Variants in FURIN observed in about 807,000 individuals in gnomAD.
FURIN encodes furin, paired basic amino acid cleaving enzyme, also known as FES upstream region.
A neutral mutation model predicts 89.2 loss-of-function variants in FURIN; 18 were observed. The ratio of observed to expected loss-of-function variants is 0.20; its 90% confidence interval spans 0.14 to 0.30. The LOEUF (loss-of-function observed/expected upper bound fraction) is 0.30. Among genes scored for constraint, FURIN ranks in the 10% least tolerant of loss-of-function variants. FURIN has a pLI of 1.00. For synonymous variants in FURIN, 508 were observed against 466.4 expected (o/e 1.09, Z -1.15); for missense variants, 879 against 1,100.5 (o/e 0.80, Z 2.85).
At position 90,880,107 on chromosome 15, in the gene FURIN, C is replaced by G. The variant is rs150925934; in HGVS notation, c.1390C>G (p.Arg464Gly). 1.9e-6 allele frequency: 3 copies of G among 1,605,228 alleles called. No individual in the cohort carries two copies. The highest frequency in any genetic ancestry group is 2.6e-6 in the Non-Finnish European group (3 of 1,174,468). ...ILTEPKDIGKRLEVRKTVTAC... is the reference protein window; with the variant it reads ...ILTEPKDIGKGLEVRKTVTAC... ...TCTCCTGCACAGAGACATCGGGAAA[C>G]GGCTCGAGGTGCGGAAGACCGTGAC... The change falls in exon 13 of 16, where the codon CGG becomes GGG. Residue 464 changes from arginine (R) to glycine (G), a missense_variant. Transcript: ENST00000268171.
chr15:90,872,427 A>G (rs1464620018), intron 1 of FURIN, among the ~76,000 whole-genome samples: 6 of 151,974 alleles, frequency 3.9e-5, no homozygotes, highest in Admixed American at 3.9e-4. Flanking sequence ...TGGGATTCCT[A>G]TTCTGACTTG....
At chr15:90,874,734 G>A (rs1301702582) in intron 1 of FURIN, among the ~76,000 whole-genome samples, 1 of 152,158 alleles carries the variant, frequency 6.6e-6, no homozygotes, top group Admixed American at 6.5e-5. Context: ...ACATACCTAG[G>A]TGATTTGGAG....
chr15:90,871,287 G>A (rs540714756), intron 1 of FURIN, among the ~76,000 whole-genome samples: 2 of 152,286 alleles, frequency 1.3e-5, no homozygotes, highest in African/African-American at 4.8e-5. Flanking sequence ...GGTCTCCGCG[G>A]CCGTCTTCCC....
At position 90,876,419 on chromosome 15, in the gene FURIN, C is replaced by T; in HGVS notation, c.277-43C>T. The T allele has an allele frequency of 6.5e-7, 1 of 1,540,704 alleles. No homozygotes were observed. The highest frequency in any genetic ancestry group is 9.0e-7 in the Non-Finnish European group (1 of 1,113,188). ...CTCCTGCTCTCAGGAGCCCCTCTCGCCTCCTGCTCCACCCACACCATCTCT... is the reference window on the plus strand; with the variant it reads ...CTCCTGCTCTCAGGAGCCCCTCTCGTCTCCTGCTCCACCCACACCATCTCT... On this transcript the variant is annotated intron_variant, in intron 3 of 15. Coordinates refer to ENST00000268171, the MANE Select transcript of FURIN (RefSeq NM_002569.4). The surrounding 1 kb of genome is among the most constrained non-coding windows in gnomAD (Gnocchi z 5.0).
At chr15:90,879,833 C>T (rs1007842537) in intron 11 of FURIN, 34 bp from the exon 12 acceptor site, 1 of 1,607,772 alleles carries the variant, frequency 6.2e-7, no homozygotes, top group Non-Finnish European at 8.5e-7. Flanking sequence ...CACTCTGTGC[C>T]TGACAGCTGA....
chr15:90,871,778 C>T (rs1203163200), intron 1 of FURIN, among the ~76,000 whole-genome samples: 1 of 149,280 alleles, frequency 6.7e-6, no homozygotes, highest in Non-Finnish European at 1.5e-5. Flanking sequence ...GCAGCCCTGA[C>T]CCGGGTCCCC....
chr15:90,880,581 T>C (rs1023655621), intron 13 of FURIN, 110 bp from the exon 14 acceptor site: 8 of 1,207,840 alleles, frequency 6.6e-6, no homozygotes, highest in Admixed American at 5.0e-5. Context: ...TCTGGCCCCA[T>C]GGGGTTGGTC....
Position 90,876,813 on chromosome 15 carries a change from G to T in FURIN, c.373-83G>T, listed in dbSNP as rs1209725196. ...GGGATGGTACAGGAGGAGGTTTTAC[G>T]GGGGCAAAGGGATTCTTCAAGATGC... On this transcript the variant is annotated intron_variant, in intron 4 of 15. Coordinates refer to ENST00000268171, the MANE Select transcript of FURIN (RefSeq NM_002569.4). This position sits in a 1 kb window ranked among gnomAD's most constrained non-coding sequence, Gnocchi z 5.0. 1 of 1,472,168 alleles carries T rather than the reference G, an allele frequency of 6.8e-7. No homozygotes were observed. Among genetic ancestry groups the T allele is most frequent in the South Asian group, 1.2e-5 (1 of 83,712 alleles). The allele number at this position is 1,472,168 out of a possible 1,614,324, so 91.2% of individuals were successfully genotyped here. A position where few individuals can be genotyped will look rare whatever the true frequency, so the allele number is the denominator to read the frequency against.
rs1438985960 is a variant in FURIN, at chr15:90,880,981, T to A, written c.1733T>A (p.Leu578Gln). 6.2e-7 allele frequency: 1 copy of A among 1,614,114 alleles called. No individual in the cohort carries two copies. The highest frequency in any genetic ancestry group is 8.5e-7 in the Non-Finnish European group (1 of 1,179,974). ...LVLYGTAPEG[L>Q]PVPPESSGCK... ...CTCTATGGCACCGCCCCTGAGGGGC[T>A]GCCCGTACCTCCAGAAAGCAGTGGC... The change falls in exon 15 of 16, where the codon CTG (leucine) becomes CAG (glutamine). Residue 578 changes from leucine to glutamine, a missense_variant. By Grantham distance (113) the Leu-to-Gln change is moderately radical. Transcript: ENST00000268171.
At chr15:90,873,796 G>T (rs556588751) in intron 1 of FURIN, among the ~76,000 whole-genome samples, 2 of 152,328 alleles carry the variant, frequency 1.3e-5, no homozygotes, top group African/African-American at 4.8e-5. Flanking sequence ...ATGTGCAGGA[G>T]CTGTATTGTA....
chr15:90,878,124 A>C lies in FURIN; in HGVS notation c.668-8A>C. On this transcript the variant is annotated splice_polypyrimidine_tract_variant and splice_region_variant and intron_variant, in intron 7 of 15. Transcript: ENST00000268171. ...GCATCCCTCTTCGTGCCCCCCCTTC[A>C]CGGCCAGGGGTGCGCATGCTGGATG... 1 of 1,613,482 alleles carries C rather than the reference A, an allele frequency of 6.2e-7. No homozygotes were observed. The highest frequency in any genetic ancestry group is 8.5e-7 in the Non-Finnish European group (1 of 1,179,922).
chr15:90,872,111 G>A lies in FURIN; in HGVS notation c.-160+3400G>A, dbSNP rs866675867. Among the ~76,000 whole-genome samples the A allele has an allele frequency of 2.6e-4, 39 of 151,540 alleles. 1 individual carries two copies. Among genetic ancestry groups the A allele is most frequent in the African/African-American group, 9.2e-4 (38 of 41,442 alleles). On this transcript the variant is annotated intron_variant, in intron 1 of 15. Coordinates refer to ENST00000268171, the MANE Select transcript of FURIN (RefSeq NM_002569.4). ...GAGGGCCTGCGTTCCGCCCGGGGAGGGGAGGAGCGGCCGGGGGCGAGGCGG... is the reference window on the plus strand; with the variant it reads ...GAGGGCCTGCGTTCCGCCCGGGGAGAGGAGGAGCGGCCGGGGGCGAGGCGG...
Position 90,879,916 on chromosome 15 carries a change from C to T in FURIN, c.1308C>T (p.Ala436=). The T allele has an allele frequency of 2.5e-6, 4 of 1,613,412 alleles. No individual in the cohort carries two copies. In the South Asian group the frequency reaches 3.3e-5, roughly 13 times the overall value. ...YGLLDAGAMV[A]LAQNWTTVAP... is the part of the protein sequence containing the mutation. ...TTTTGGACGCAGGCGCCATGGTGGC[C>T]CTGGCCCAGAATTGGACCACAGTGG... is the stretch of plus-strand genomic sequence containing the variant. Residue 436 remains alanine (A), a synonymous_variant, in exon 12 of 16, where the codon GCC becomes GCT. Transcript: ENST00000268171.
intron 1 of FURIN, among the ~76,000 whole-genome samples, chr15:90,870,629 C>T (rs532584686): frequency 6.6e-6 from 1 of 152,306 alleles, no homozygotes; most frequent in Admixed American, 6.5e-5. Flanking sequence ...CATTTTCCTT[C>T]TTTTCTTTCT....
chr15:90,872,506 A>G (rs530075448), intron 1 of FURIN, among the ~76,000 whole-genome samples: 4 of 152,288 alleles, frequency 2.6e-5, no homozygotes, highest in Non-Finnish European at 4.4e-5. Flanking sequence ...TGGACACAGC[A>G]TAGGAGATTA....
intron 1 of FURIN, among the ~76,000 whole-genome samples, chr15:90,872,297 A>G (rs751816897): frequency 2.1e-4 from 32 of 152,104 alleles, no homozygotes; most frequent in Non-Finnish European, 4.4e-4. Context: ...GGCTGGACCA[A>G]GGGGCGGCCT....
intron 6 of FURIN, 31 bp from the exon 7 acceptor site, chr15:90,877,496 T>C (rs2151224437): frequency 6.5e-7 from 1 of 1,533,242 alleles, no homozygotes; most frequent in South Asian, 1.2e-5. Flanking sequence ...CCCCATTTGT[T>C]CTACTCATGC....
Position 90,881,122 on chromosome 15 carries a change from G to C in FURIN, c.1792+82G>C. The C allele has an allele frequency of 8.2e-7, 1 of 1,221,718 alleles. No individual in the cohort carries two copies. The highest frequency in any genetic ancestry group is 1.2e-5 in the South Asian group (1 of 81,540). The allele number at this position is 1,221,718 out of a possible 1,614,324, so 75.7% of individuals were successfully genotyped here. On this transcript the variant is annotated intron_variant, in intron 15 of 15. Coordinates refer to ENST00000268171, the MANE Select transcript of FURIN (RefSeq NM_002569.4). The surrounding 1 kb of genome is among the most constrained non-coding windows in gnomAD (Gnocchi z 4.3). ...CCTGTCCTGAAGCCCAGCTCTAACA[G>C]AAAAAAGTCTCAAGAGACCTAGGGC... is the stretch of plus-strand genomic sequence containing the variant.
chr15:90,869,776 T>C (rs374218954), intron 1 of FURIN, among the ~76,000 whole-genome samples: 1 of 152,238 alleles, frequency 6.6e-6, no homozygotes, highest in African/African-American at 2.4e-5. Context: ...GTGGGGCACC[T>C]GAAGCAGCAA....
Sources: gnomAD v4.1 joint callset for allele counts (sites outside exome capture counted in the v4.1 genomes callset) on GRCh38, gnomAD v4.1.1 for gene constraint, Gnocchi (gnomAD v3.1) non-coding constraint, MANE v1.5 for transcripts, NCBI Gene and HGNC (gene_info 2026-07-23, HGNC 2026-07-21) for gene names.